PTPRD: variants seen among roughly 807,000 people sequenced by gnomAD.
PTPRD encodes the protein protein tyrosine phosphatase receptor type D.
A neutral mutation model predicts 214.5 loss-of-function variants in PTPRD; 34 were observed. The observed-to-expected ratio is 0.16, with a 90% CI of 0.12 to 0.21. The LOEUF (loss-of-function observed/expected upper bound fraction) is 0.21, where lower values mean the gene tolerates loss of function less well. Ranked by LOEUF, PTPRD falls within the 10% of genes least tolerant of loss-of-function variation. The pLI is 1.00. For missense variants in PTPRD, 2,545 were observed against 2,398.7 expected (o/e 1.06, Z -1.27); for synonymous variants, 1,128 against 845.7 (o/e 1.33, Z -5.79).
At chr9:9,772,944 T>A (rs1335223469) in intron 5 of PTPRD, among the ~76,000 whole-genome samples, 2 of 152,220 alleles carry the variant, frequency 1.3e-5, no homozygotes, top group African/African-American at 4.8e-5. Flanking sequence ...CAGTACTATT[T>A]ATGCTAGTCC....
intron 3 of PTPRD, among the ~76,000 whole-genome samples, chr9:10,195,098 A>ATTTTTTTTTTTTTTTTTTTTTTTTTTT (rs34900305): frequency 1.0e-5 from 1 of 97,910 alleles, no homozygotes; most frequent in Non-Finnish European, 1.9e-5. Context: ...ATACCCGGCT[A>ATTTTTTTTTTTTTTTTTTTTTTTTTTT]TTTTTTTTTT....
intron 9 of PTPRD, among the ~76,000 whole-genome samples, chr9:9,236,444 T>C (rs1158216020): frequency 6.6e-6 from 1 of 151,816 alleles, no homozygotes; most frequent in Non-Finnish European, 1.5e-5. Context: ...AAAGTTAAAA[T>C]TCAAATCCAC....
chr9:8,948,039 G>A (rs1189369647), intron 11 of PTPRD, among the ~76,000 whole-genome samples: 1 of 84,812 alleles, frequency 1.2e-5, no homozygotes, highest in African/African-American at 4.5e-5. Flanking sequence ...TTTTTTTTTT[G>A]AGACGGAGTC....
chr9:9,055,712 A>G (rs1265575757), intron 10 of PTPRD, among the ~76,000 whole-genome samples: 1 of 151,418 alleles, frequency 6.6e-6, no homozygotes, highest in East Asian at 1.9e-4. Flanking sequence ...GTACACATAA[A>G]TATTTTATAT....
intron 11 of PTPRD, among the ~76,000 whole-genome samples, chr9:8,872,611 A>G (rs2098322068): frequency 6.6e-6 from 1 of 152,234 alleles, no homozygotes. Context: ...CTAGGATAAA[A>G]TAGCACATCC....
At position 9,175,632 on chromosome 9, in the gene PTPRD, A is replaced by ACAAAC. The variant is rs1417448738; in HGVS notation, c.-143+7671_-143+7672insGTTTG. Among the ~76,000 whole-genome samples, 44 of 149,574 alleles carry ACAAAC rather than the reference A, an allele frequency of 2.9e-4. 1 individual carries two copies. The highest frequency in any genetic ancestry group is 5.8e-4 in the African/African-American group (23 of 39,868). Reference sequence around the variant, plus strand: ...AGTGAGACTCTGTCTCAAAAAAAAAAAAAAAAAAAAAAAAAAAAGAGTTTT... The same window carrying ACAAAC: ...AGTGAGACTCTGTCTCAAAAAAAAAACAAACAAAAAAAAAAAAAAAAAAGAGTTTT... On this transcript the variant is annotated intron_variant, in intron 10 of 45. Transcript: ENST00000381196.
In PTPRD at chr9:8,315,141, A is replaced by G. The variant is rs1308451360; in HGVS notation, c.*2733T>C. ...CAGATAAAGATGGTTCACCTGGGAA[A>G]TTAAAACTTGAATGGTTGTACAGAA... On this transcript the variant is annotated 3_prime_UTR_variant, in exon 46 of 46. Transcript: ENST00000381196. 8.6e-6 allele frequency: 2 copies of G among 232,636 alleles called. No individual in the cohort carries two copies. Among genetic ancestry groups the G allele is most frequent in the East Asian group, 6.0e-5 (1 of 16,556 alleles). The allele number at this position is 232,636 out of a possible 1,614,324, so 14.4% of individuals were successfully genotyped here.
chr9:9,818,933 AAAAAAG>A (rs1443960771), intron 5 of PTPRD, among the ~76,000 whole-genome samples: 12 of 151,982 alleles, frequency 7.9e-5, no homozygotes, highest in African/African-American at 2.9e-4. Flanking sequence ...AAAAAAAAAA[AAAAAAG>A]TTCGTATGTA....
At chr9:9,879,571 A>G (rs545764863) in intron 5 of PTPRD, among the ~76,000 whole-genome samples, 1 of 152,330 alleles carries the variant, frequency 6.6e-6, no homozygotes, top group South Asian at 2.1e-4. Context: ...TTGACACTGC[A>G]ACAATTATAT....
chr9:9,613,747 AC>A (rs2094681162), intron 7 of PTPRD, among the ~76,000 whole-genome samples: 1 of 152,078 alleles, frequency 6.6e-6, no homozygotes, highest in African/African-American at 2.4e-5. Context: ...TCTCAGGCCC[AC>A]CCCCTAGTCT....
chr9:10,165,146 G>A lies in PTPRD; in HGVS notation c.-544-131356C>T, dbSNP rs1346983871. Among the ~76,000 whole-genome samples, 3 of 151,672 alleles carry A rather than the reference G, an allele frequency of 2.0e-5. No homozygotes were observed. In the East Asian group the frequency reaches 5.8e-4, roughly 29 times the overall value. On this transcript the variant is annotated intron_variant, in intron 3 of 45. Transcript: ENST00000381196. ...AGCAATCTCGATGGAATAGCTCACAGTCCTAACCTATAGGCTTTATTTATA... is the reference window on the plus strand; with the variant it reads ...AGCAATCTCGATGGAATAGCTCACAATCCTAACCTATAGGCTTTATTTATA...
chr9:10,438,757 C>A (rs967756040), intron 2 of PTPRD, among the ~76,000 whole-genome samples: 1 of 151,650 alleles, frequency 6.6e-6, no homozygotes, highest in African/African-American at 2.4e-5. Flanking sequence ...TATTATAAAG[C>A]TCATTAATTC....
intron 39 of PTPRD, among the ~76,000 whole-genome samples, chr9:8,342,707 G>C (rs1299273825): frequency 6.6e-6 from 1 of 151,936 alleles, no homozygotes; most frequent in Non-Finnish European, 1.5e-5. Flanking sequence ...TCATTGATCT[G>C]TCCATTTCTT....
At position 10,482,115 on chromosome 9, in the gene PTPRD, T is replaced by G. The variant is rs185235759; in HGVS notation, c.-600+130283A>C. ...GGCCGGGCGCGGTGGCTCACGCCTG[T>G]AATCCCAGCATTTTGGGAGGCCCAG... On this transcript the variant is annotated intron_variant, in intron 2 of 45. Coordinates refer to ENST00000381196, the MANE Select transcript of PTPRD (RefSeq NM_002839.4). 2.4e-4 allele frequency among the ~76,000 whole-genome samples: 36 copies of G among 152,260 alleles called. No individual in the cohort carries two copies. The South Asian group carries it at 5.2e-3, about 22-fold the overall frequency.
intron 36 of PTPRD, among the ~76,000 whole-genome samples, chr9:8,396,632 A>G (rs533481387): frequency 1.4e-4 from 21 of 152,312 alleles, no homozygotes; most frequent in Admixed American, 1.2e-3. Context: ...TAAAGCAAAA[A>G]ACAACACAGC....
At chr9:9,749,932 T>C (rs1243251686) in intron 6 of PTPRD, among the ~76,000 whole-genome samples, 2 of 152,162 alleles carry the variant, frequency 1.3e-5, no homozygotes, top group African/African-American at 4.8e-5. Context: ...TCACTGCCTA[T>C]ATAAAATAAT....
At chr9:9,614,637 A>C (rs748462705) in intron 7 of PTPRD, among the ~76,000 whole-genome samples, 1 of 152,178 alleles carries the variant, frequency 6.6e-6, no homozygotes, top group Non-Finnish European at 1.5e-5. Flanking sequence ...TTGATGTGCT[A>C]TTTTGTAATT....
chr9:9,828,415 A>G (rs978476684), intron 5 of PTPRD, among the ~76,000 whole-genome samples: 5 of 152,058 alleles, frequency 3.3e-5, no homozygotes, highest in Non-Finnish European at 4.4e-5. Context: ...AAAACCAAAC[A>G]CTGCATGTTC....
chr9:9,806,812 T>G (rs2099075951), intron 5 of PTPRD, among the ~76,000 whole-genome samples: 1 of 152,056 alleles, frequency 6.6e-6, no homozygotes, highest in Non-Finnish European at 1.5e-5. Context: ...GTTTGACTGG[T>G]ATCTGACCTA....
Sources: gnomAD v4.1 joint callset for allele counts (sites outside exome capture counted in the v4.1 genomes callset) on GRCh38, gnomAD v4.1.1 for gene constraint, MANE v1.5 for transcripts, NCBI Gene and HGNC (gene_info 2026-07-23, HGNC 2026-07-21) for gene names.